Variants in SMARCC1 observed in about 807,000 individuals in gnomAD.
SMARCC1 encodes SWI/SNF related BAF chromatin remodeling complex subunit C1.
Under a neutral mutation model 147.4 loss-of-function variants are expected in SMARCC1, and 43 were observed. The observed-to-expected ratio is 0.29, with a 90% CI of 0.23 to 0.38. The LOEUF (loss-of-function observed/expected upper bound fraction) is 0.38. SMARCC1 is among the 10% of genes least tolerant of loss of function. SMARCC1 has a pLI of 1.00. For synonymous variants in SMARCC1, 495 were observed against 484.4 expected, an observed-to-expected ratio of 1.02 and a Z score of -0.29; for missense variants, 1,119 against 1,381.1, an observed-to-expected ratio of 0.81 and a Z score of 3.01.
chr3:47,775,729 G>A (rs1033570504), intron 1 of SMARCC1, among the ~76,000 whole-genome samples: 3 of 152,006 alleles, frequency 2.0e-5, no homozygotes, highest in African/African-American at 4.8e-5. Flanking sequence ...CCCAGATCGC[G>A]ATCGTGCCAC....
intron 25 of SMARCC1, 130 bp from the exon 26 acceptor site, chr3:47,610,457 G>C (rs2032549303): frequency 2.2e-6 from 2 of 899,398 alleles, no homozygotes; most frequent in African/African-American, 3.3e-5. Flanking sequence ...CTCACTTCCT[G>C]CACCTTCTAC....
chr3:47,602,123 G>A (rs2032397394), intron 26 of SMARCC1, among the ~76,000 whole-genome samples: 1 of 152,032 alleles, frequency 6.6e-6, no homozygotes, highest in Non-Finnish European at 1.5e-5. Flanking sequence ...GTAGGTGTGA[G>A]GGGCTTAAAA....
chr3:47,708,341 A>C (rs2034042298), intron 9 of SMARCC1, among the ~76,000 whole-genome samples: 2 of 151,700 alleles, frequency 1.3e-5, no homozygotes, highest in African/African-American at 4.8e-5. Flanking sequence ...GCGTATTGCC[A>C]TGTTGCCCAG....
chr3:47,731,764 G>A (rs2034376966), intron 5 of SMARCC1, among the ~76,000 whole-genome samples: 1 of 152,126 alleles, frequency 6.6e-6, no homozygotes, highest in South Asian at 2.1e-4. Flanking sequence ...TCTCTACAGT[G>A]GGCTTAAAGT....
intron 5 of SMARCC1, among the ~76,000 whole-genome samples, chr3:47,733,904 T>C (rs1007368202): frequency 2.7e-5 from 4 of 148,774 alleles, no homozygotes; most frequent in East Asian, 3.9e-4. Context: ...CGTATATATA[T>C]ACACACATAT....
chr3:47,592,800 C>T (rs1245798757), intron 26 of SMARCC1, among the ~76,000 whole-genome samples: 2 of 146,526 alleles, frequency 1.4e-5, no homozygotes. Context: ...GGTCTCACTA[C>T]GTTTCCCAGG....
At chr3:47,712,275 A>G (rs1037304291) in intron 8 of SMARCC1, among the ~76,000 whole-genome samples, 1 of 152,124 alleles carries the variant, frequency 6.6e-6, no homozygotes, top group Non-Finnish European at 1.5e-5. Flanking sequence ...TAAATAGAGT[A>G]TATAAATAGA....
chr3:47,675,479 G>A lies in SMARCC1; in HGVS notation c.1835C>T (p.Ala612Val), dbSNP rs759949502. 6.5e-7 allele frequency: 1 copy of A among 1,542,980 alleles called. No homozygotes were observed. The highest frequency in any genetic ancestry group is 2.2e-5 in the East Asian group (1 of 44,516). ...RTDIYSKKTL[A>V]KSKGASAGRE... ...ATGTGTGATTAGAAAAATTACCTTT[G>A]CTAATGTTTTCTTGGAGTAAATGTC... The change falls in exon 18 of 28, where the codon GCA (alanine) becomes GTA (valine). Residue 612 changes from alanine to valine, a missense_variant. Coordinates refer to ENST00000254480, the MANE Select transcript of SMARCC1 (RefSeq NM_003074.4).
chr3:47,739,806 A>T (rs1402344732), intron 3 of SMARCC1, among the ~76,000 whole-genome samples: 1 of 152,078 alleles, frequency 6.6e-6, no homozygotes, highest in African/African-American at 2.4e-5. Flanking sequence ...CTACCACTCA[A>T]TGGGCCTGAC....
intron 25 of SMARCC1, among the ~76,000 whole-genome samples, chr3:47,615,580 C>T (rs1022332864): frequency 3.3e-5 from 5 of 152,224 alleles, no homozygotes; most frequent in Admixed American, 1.3e-4. Flanking sequence ...GAGTCAATGT[C>T]TCATCCATCC....
At chr3:47,726,350 T>C (rs1008636111) in intron 6 of SMARCC1, among the ~76,000 whole-genome samples, 2 of 150,856 alleles carry the variant, frequency 1.3e-5, no homozygotes, top group African/African-American at 2.5e-5. Flanking sequence ...AGGAAAACAG[T>C]GGAAACAACA....
At chr3:47,699,259 T>C (rs2033889357) in intron 11 of SMARCC1, among the ~76,000 whole-genome samples, 2 of 152,080 alleles carry the variant, frequency 1.3e-5, no homozygotes, top group African/African-American at 4.8e-5. Flanking sequence ...AAAAATCAAA[T>C]GCTAAATTTA....
chr3:47,667,439 A>G (rs2033436634), intron 19 of SMARCC1, among the ~76,000 whole-genome samples: 1 of 152,260 alleles, frequency 6.6e-6, no homozygotes, highest in Non-Finnish European at 1.5e-5. Context: ...GAAAATAAAT[A>G]GCATGAGAAA....
intron 27 of SMARCC1, among the ~76,000 whole-genome samples, chr3:47,589,285 C>T (rs2032135807): frequency 6.6e-6 from 1 of 152,142 alleles, no homozygotes; most frequent in African/African-American, 2.4e-5. Context: ...AGGAACCAGG[C>T]AGCAGGTGGG....
intron 21 of SMARCC1, among the ~76,000 whole-genome samples, chr3:47,651,994 T>C (rs2033196110): frequency 1.3e-5 from 2 of 152,216 alleles, no homozygotes; most frequent in Admixed American, 1.3e-4. Flanking sequence ...TGGTTTTTAT[T>C]TGAGACATGG....
intron 8 of SMARCC1, 26 bp downstream of exon 8, chr3:47,714,389 A>G (rs750637573): frequency 3.4e-5 from 48 of 1,404,292 alleles, no homozygotes; most frequent in Non-Finnish European, 4.6e-5. Context: ...AGATTATTGT[A>G]AGATTTTTTT....
intron 26 of SMARCC1, among the ~76,000 whole-genome samples, chr3:47,601,036 A>AGAGAGAGAGAGAGAGAGAGG (rs1559622885): frequency 7.4e-6 from 1 of 134,972 alleles, no homozygotes; most frequent in African/African-American, 2.6e-5. Flanking sequence ...AGAGAGAGAG[A>AGAGAGAGAGAGAGAGAGAGG]GAGAGAGAGA....
chr3:47,621,573 G>A (rs903088259), intron 25 of SMARCC1, among the ~76,000 whole-genome samples: 3 of 152,144 alleles, frequency 2.0e-5, no homozygotes, highest in Non-Finnish European at 4.4e-5. Context: ...AATGCCACAT[G>A]TTCTCAGTTT....
chr3:47,778,289 G>C (rs1192622925), intron 1 of SMARCC1, among the ~76,000 whole-genome samples: 2 of 140,278 alleles, frequency 1.4e-5, no homozygotes, highest in Non-Finnish European at 3.1e-5. Context: ...GTTTTTTTTT[G>C]TTTTTGTTTT....
Sources: gnomAD v4.1 joint callset for allele counts (sites outside exome capture counted in the v4.1 genomes callset) on GRCh38, gnomAD v4.1.1 for gene constraint, MANE v1.5 for transcripts, NCBI Gene and HGNC (gene_info 2026-07-23, HGNC 2026-07-21) for gene names.